DNAH5: variants seen among roughly 807,000 people sequenced by gnomAD.
DNAH5 encodes the protein dynein axonemal heavy chain 5.
A neutral mutation model predicts 518.2 loss-of-function variants in DNAH5; 372 were observed. The ratio of observed to expected loss-of-function variants is 0.72; its 90% CI spans 0.66 to 0.78. The LOEUF is 0.78. Ranked by LOEUF, DNAH5 falls within the 30% of genes least tolerant of loss-of-function variation. DNAH5 has a pLI of 0.00. For synonymous variants in DNAH5, 2,039 were observed against 2,025.9 expected (o/e 1.01, Z -0.17); for missense variants, 5,523 against 5,687.0 (o/e 0.97, Z 0.93).
intron 1 of DNAH5, among the ~76,000 whole-genome samples, chr5:13,957,858 A>T (rs1349167089): frequency 6.6e-6 from 1 of 151,544 alleles, no homozygotes; most frequent in Admixed American, 6.6e-5. Flanking sequence ...ATTGATTGGA[A>T]AATAGAAAAA....
intron 12 of DNAH5, among the ~76,000 whole-genome samples, chr5:13,908,543 G>A (rs1312569805): frequency 6.6e-6 from 1 of 152,094 alleles, no homozygotes; most frequent in Non-Finnish European, 1.5e-5. Flanking sequence ...CAGTTTGTGG[G>A]GTCTGGGTTG....
chr5:13,991,440 G>C (rs1005500915), intron 1 of DNAH5, among the ~76,000 whole-genome samples: 16 of 151,398 alleles, frequency 1.1e-4, no homozygotes, highest in African/African-American at 3.9e-4. Context: ...CCAGACCCAA[G>C]GAGCCAAGGG....
At chr5:13,808,744 G>C (rs747832844) in intron 46 of DNAH5, among the ~76,000 whole-genome samples, 1 of 151,898 alleles carries the variant, frequency 6.6e-6, no homozygotes, top group South Asian at 2.1e-4. Context: ...CGGATCACGA[G>C]GTCAGGAGAT....
intron 1 of DNAH5, among the ~76,000 whole-genome samples, chr5:13,985,679 C>T (rs113549248): frequency 6.6e-6 from 1 of 152,042 alleles, no homozygotes. Flanking sequence ...CAAAACTGAC[C>T]AGCACCTGAA....
At chr5:13,754,887 C>G (rs927848984) in intron 61 of DNAH5, among the ~76,000 whole-genome samples, 1 of 151,956 alleles carries the variant, frequency 6.6e-6, no homozygotes, top group African/African-American at 2.4e-5. Context: ...CACCTGTAAT[C>G]TCAGTACTTT....
At chr5:13,947,385 T>G (rs1256589773), upstream of DNAH5, among the ~76,000 whole-genome samples, 1 of 152,108 alleles carries the variant, frequency 6.6e-6, no homozygotes, top group Non-Finnish European at 1.5e-5. Flanking sequence ...TGAACTTAAA[T>G]CCCAGCTATG....
chr5:13,930,295 G>T (rs1396850577), intron 2 of DNAH5, among the ~76,000 whole-genome samples: 1 of 152,162 alleles, frequency 6.6e-6, no homozygotes, highest in East Asian at 1.9e-4. Context: ...GATGATAGTA[G>T]TTTGGAACCA....
chr5:13,825,345 A>AT (rs1762758646), intron 38 of DNAH5, among the ~76,000 whole-genome samples: 1 of 151,562 alleles, frequency 6.6e-6, no homozygotes, highest in Non-Finnish European at 1.5e-5. Flanking sequence ...CTGTCTTGCA[A>AT]AAAATAAATA....
At chr5:13,883,118 G>C (rs1452103975) in intron 19 of DNAH5, 24 bp from the exon 20 acceptor site, 1 of 1,610,396 alleles carries the variant, frequency 6.2e-7, no homozygotes, top group Non-Finnish European at 8.5e-7. Flanking sequence ...AAACAAGGAA[G>C]AATTCACATT....
chr5:13,964,957 G>A (rs927409741), intron 1 of DNAH5, among the ~76,000 whole-genome samples: 1 of 152,148 alleles, frequency 6.6e-6, no homozygotes, highest in Admixed American at 6.5e-5. Flanking sequence ...CATACCATGT[G>A]TCTCCCAATA....
At chr5:13,813,833 T>C (rs1199321727) in intron 43 of DNAH5, among the ~76,000 whole-genome samples, 1 of 152,202 alleles carries the variant, frequency 6.6e-6, no homozygotes, top group African/African-American at 2.4e-5. Flanking sequence ...TGTAATGATA[T>C]AATGTAAATA....
chr5:13,884,643 C>T (rs1388955760), intron 19 of DNAH5, among the ~76,000 whole-genome samples: 1 of 152,174 alleles, frequency 6.6e-6, no homozygotes, highest in Non-Finnish European at 1.5e-5. Flanking sequence ...TCGCCACCAG[C>T]GTGCCCAACA....
intron 16 of DNAH5, 62 bp downstream of exon 16, chr5:13,894,588 C>T (rs1394555060): frequency 6.5e-7 from 1 of 1,539,542 alleles, no homozygotes. Flanking sequence ...AGAAATTATT[C>T]AACAGATGTT....
At chr5:13,745,074 T>C (rs1366540275) in intron 65 of DNAH5, among the ~76,000 whole-genome samples, 1 of 152,096 alleles carries the variant, frequency 6.6e-6, no homozygotes, top group East Asian at 1.9e-4. Flanking sequence ...TCCAGAATTC[T>C]GAACAATGAT....
intron 21 of DNAH5, 101 bp downstream of exon 21, chr5:13,882,627 T>C (rs965756956): frequency 1.1e-6 from 1 of 924,590 alleles, no homozygotes. Context: ...AATATTCTGA[T>C]GTAAAATAAA....
intron 1 of DNAH5, among the ~76,000 whole-genome samples, chr5:13,999,405 A>G (rs1784189737): frequency 6.6e-6 from 1 of 152,188 alleles, no homozygotes; most frequent in Non-Finnish European, 1.5e-5. Context: ...CACTCTTTGC[A>G]TCTATGAATT....
intron 1 of DNAH5, among the ~76,000 whole-genome samples, chr5:13,939,407 T>A (rs10062946): frequency 0.046 from 7,003 of 152,200 alleles, 533 homozygotes; most frequent in African/African-American, 0.16. Context: ...TTACAGCAAA[T>A]ACAGCTAACC....
chr5:13,862,525 G>A (rs777126742), intron 29 of DNAH5, 23 bp downstream of exon 29: 1 of 1,610,980 alleles, frequency 6.2e-7, no homozygotes, highest in East Asian at 2.2e-5. Flanking sequence ...AAATCTAAGG[G>A]AAAAGATAGA....
chr5:13,888,753 A>C (rs976228301), intron 17 of DNAH5, among the ~76,000 whole-genome samples: 2 of 152,254 alleles, frequency 1.3e-5, no homozygotes, highest in African/African-American at 4.8e-5. Context: ...TTGGCTACCA[A>C]TATCAACAGC....
Sources: gnomAD v4.1 joint callset for allele counts (sites outside exome capture counted in the v4.1 genomes callset) on GRCh38, gnomAD v4.1.1 for gene constraint, MANE v1.5 for transcripts, NCBI Gene and HGNC (gene_info 2026-07-23, HGNC 2026-07-21) for gene names.